TIAM1: variants seen among roughly 807,000 people sequenced by gnomAD.
TIAM1 encodes TIAM Rac1 associated GEF 1.
TIAM1 carries 65 observed loss-of-function variants against 163.5 expected under a neutral mutation model. The ratio of observed to expected loss-of-function variants is 0.40; its 90% CI spans 0.33 to 0.49. The LOEUF is 0.49. Ranked by LOEUF, TIAM1 falls within the 20% of genes least tolerant of loss-of-function variation. The pLI is 0.77. For missense variants in TIAM1, 1,789 were observed against 2,044.7 expected, an observed-to-expected ratio of 0.87 and a Z score of 2.41; for synonymous variants, 833 against 810.1, an observed-to-expected ratio of 1.03 and a Z score of -0.48.
intron 1 of TIAM1, among the ~76,000 whole-genome samples, chr21:31,498,560 T>C (rs763563969): frequency 6.6e-6 from 1 of 152,228 alleles, no homozygotes; most frequent in African/African-American, 2.4e-5. Flanking sequence ...CTGTGCATGT[T>C]TGTACCACAT....
chr21:31,439,049 G>C lies in TIAM1; in HGVS notation c.-369+24934C>G, dbSNP rs186369553. On this transcript the variant is annotated intron_variant, in intron 2 of 28. Coordinates refer to the TIAM1 transcript ENST00000286827. The stretch of plus-strand genomic sequence containing the variant: ...ATTAACATGCTGACTATAATCACTA[G>C]GTAGCGATTACCTGATGTCATGCAG... 8.3e-4 allele frequency among the ~76,000 whole-genome samples: 127 copies of C among 152,222 alleles called. 1 individual carries two copies. The highest frequency in any genetic ancestry group is 2.9e-3 in the African/African-American group (120 of 41,518).
chr21:31,356,650 C>G (rs904505369), intron 2 of TIAM1, among the ~76,000 whole-genome samples: 1 of 152,256 alleles, frequency 6.6e-6, no homozygotes, highest in Non-Finnish European at 1.5e-5. Context: ...TCACTAAACA[C>G]TCAATCTGCT....
chr21:31,272,774 T>C (rs1179776306), intron 3 of TIAM1, among the ~76,000 whole-genome samples: 1 of 152,192 alleles, frequency 6.6e-6, no homozygotes, highest in African/African-American at 2.4e-5. Context: ...CTGAAAAGCA[T>C]CTAGAATATT....
chr21:31,411,077 T>C (rs2077350150), intron 2 of TIAM1, among the ~76,000 whole-genome samples: 2 of 152,086 alleles, frequency 1.3e-5, no homozygotes, highest in Non-Finnish European at 2.9e-5. Context: ...AGAACCTCTC[T>C]CTGCCTCCCA....
intron 3 of TIAM1, among the ~76,000 whole-genome samples, chr21:31,273,555 C>T (rs528771029): frequency 6.6e-6 from 1 of 152,336 alleles, no homozygotes; most frequent in Non-Finnish European, 1.5e-5. Context: ...TTAGAGCCTC[C>T]ACCCACGGAG....
At chr21:31,453,717 AATAAATAAAT>A (rs1285047848) in intron 2 of TIAM1, among the ~76,000 whole-genome samples, 26 of 150,764 alleles carry the variant, frequency 1.7e-4, no homozygotes, top group Non-Finnish European at 3.4e-4. Context: ...TAAATAAATA[AATAAATAAAT>A]AAATAAATTT....
chr21:31,207,184 C>T (rs549569501), intron 11 of TIAM1, among the ~76,000 whole-genome samples: 1 of 152,324 alleles, frequency 6.6e-6, no homozygotes, highest in African/African-American at 2.4e-5. Context: ...CCAAAACCTA[C>T]AGGGCAACAT....
chr21:31,528,649 A>T (rs531871286), intron 1 of TIAM1, among the ~76,000 whole-genome samples: 9 of 151,868 alleles, frequency 5.9e-5, no homozygotes, highest in African/African-American at 1.2e-4. Context: ...CTAAAAAAAT[A>T]AAAAAATTAG....
chr21:31,147,060 A>C, intron 19 of TIAM1, 57 bp from the exon 20 acceptor site: 2 of 1,485,340 alleles, frequency 1.3e-6, no homozygotes, highest in Non-Finnish European at 1.9e-6. Context: ...TGGAAATATC[A>C]GCAGGTTATG....
At chr21:31,204,434 A>G (rs1207569231) in intron 11 of TIAM1, among the ~76,000 whole-genome samples, 1 of 152,246 alleles carries the variant, frequency 6.6e-6, no homozygotes, top group Non-Finnish European at 1.5e-5. Context: ...ACCTCTTCAC[A>G]TTCAAAGCTC....
At chr21:31,341,300 C>T (rs1406031222) in intron 1 of TIAM1, among the ~76,000 whole-genome samples, 1 of 152,192 alleles carries the variant, frequency 6.6e-6, no homozygotes, top group Non-Finnish European at 1.5e-5. Flanking sequence ...AGGCAATTTT[C>T]CTGAGGCCAC....
rs139397814 is a variant in TIAM1, at chr21:31,205,998, A to G, written c.2389-2986T>C. 1.6e-3 allele frequency among the ~76,000 whole-genome samples: 238 copies of G among 152,282 alleles called. 1 individual carries two copies. Among genetic ancestry groups the G allele is most frequent in the African/African-American group, 5.4e-3 (226 of 41,548 alleles). On this transcript the variant is annotated intron_variant, in intron 11 of 27. Coordinates refer to ENST00000541036, the MANE Select transcript of TIAM1 (RefSeq NM_001353694.2). ...AATTAATAAATAAGTAAAAGGAAAA[A>G]AAGATTATTGCCACAAACCATCATA...
chr21:31,357,288 T>A (rs944749841), intron 2 of TIAM1, among the ~76,000 whole-genome samples: 2 of 152,226 alleles, frequency 1.3e-5, no homozygotes, highest in Non-Finnish European at 2.9e-5. Flanking sequence ...TCACGAAGTT[T>A]ATGTCTTCTG....
chr21:31,242,745 G>A (rs527746404), intron 6 of TIAM1, among the ~76,000 whole-genome samples: 47 of 151,666 alleles, frequency 3.1e-4, no homozygotes, highest in African/African-American at 1.1e-3. Context: ...GACCAAAACA[G>A]GAGGACTGCT....
At chr21:31,546,217 T>C (rs1189537850) in intron 1 of TIAM1, among the ~76,000 whole-genome samples, 1 of 148,564 alleles carries the variant, frequency 6.7e-6, no homozygotes, top group African/African-American at 2.5e-5. Flanking sequence ...GATGGAATCT[T>C]CCAGAAGAAT....
chr21:31,503,731 G>C (rs2046939924), intron 1 of TIAM1, among the ~76,000 whole-genome samples: 3 of 151,058 alleles, frequency 2.0e-5, no homozygotes, highest in South Asian at 4.3e-4. Flanking sequence ...ACAGTGTCAG[G>C]ACCCACAATA....
At chr21:31,122,555 T>C (rs1464450355) in intron 27 of TIAM1, among the ~76,000 whole-genome samples, 1 of 152,198 alleles carries the variant, frequency 6.6e-6, no homozygotes, top group African/African-American at 2.4e-5. Flanking sequence ...TAGAAAAACA[T>C]TATAGAATAT....
At chr21:31,413,264 C>CTTTTTTTTTTTTTTTT (rs397866519) in intron 2 of TIAM1, among the ~76,000 whole-genome samples, 51 of 87,874 alleles carry the variant, frequency 5.8e-4, no homozygotes, top group East Asian at 1.1e-3. Context: ...CTTTTCTTTT[C>CTTTTTTTTTTTTTTTT]TTTTTTTTTT....
chr21:31,131,250 C>A (rs1327966933), intron 23 of TIAM1, among the ~76,000 whole-genome samples: 1 of 152,186 alleles, frequency 6.6e-6, no homozygotes, highest in Non-Finnish European at 1.5e-5. Context: ...AAAACTTCAG[C>A]TGATACATAT....
Sources: allele counts gnomAD v4.1 joint callset (sites outside exome capture counted in the v4.1 genomes callset), GRCh38; gene constraint gnomAD v4.1.1; transcripts MANE v1.5; gene names NCBI Gene and HGNC (gene_info 2026-07-23, HGNC 2026-07-21).